The following PTPRT variants were observed in gnomAD, a reference collection of about 807,000 sequenced individuals.
The protein encoded by PTPRT is receptor-type tyrosine-protein phosphatase T.
A neutral mutation model predicts 176.8 loss-of-function variants in PTPRT; 56 were observed. The observed-to-expected ratio is 0.32, with a 90% CI of 0.26 to 0.40. The LOEUF (loss-of-function observed/expected upper bound fraction) is 0.40, where lower values mean the gene tolerates loss of function less well. Ranked by LOEUF, PTPRT falls within the 10% of genes least tolerant of loss-of-function variation. The pLI is 1.00. For missense variants in PTPRT, 1,540 were observed against 1,908.2 expected (o/e 0.81, Z 3.60); for synonymous variants, 783 against 739.0 (o/e 1.06, Z -0.96).
intron 4 of PTPRT, among the ~76,000 whole-genome samples, chr20:42,775,359 G>A (rs986122332): frequency 1.3e-5 from 2 of 152,210 alleles, no homozygotes; most frequent in African/African-American, 4.8e-5. Context: ...TGTTGCAGAT[G>A]CTCTGTGGGC....
Position 42,161,231 on chromosome 20 carries a change from A to ACACGCTCC in PTPRT, c.2682+113_2682+120dup, listed in dbSNP as rs1373726285. The ACACGCTCC allele has an allele frequency of 3.6e-6, 4 of 1,121,624 alleles. No homozygotes were observed. In the African/African-American group the frequency reaches 6.2e-5, roughly 17 times the overall value. 69.5% of individuals were successfully genotyped at this position (1,121,624 alleles called of 1,614,324 possible). A position where few individuals can be genotyped will look rare whatever the true frequency, so the allele number is the denominator to read the frequency against. ...TGGGGCCTGAGATGTTGCATTTCCT[A>ACACGCTCC]CACGCTCCCAGGTGATACTGAGGCT... On this transcript the variant is annotated intron_variant, in intron 17 of 30. Coordinates refer to ENST00000373187, the MANE Select transcript of PTPRT (RefSeq NM_007050.6).
In PTPRT at chr20:42,161,511, G is replaced by A; in HGVS notation, c.2523C>T (p.Pro841=). The A allele has an allele frequency of 6.2e-7, 1 of 1,612,548 alleles. No individual in the cohort carries two copies. The highest frequency in any genetic ancestry group is 8.5e-7 in the Non-Finnish European group (1 of 1,179,122). ...AGGGATGAGTCTGGATCGTGAGGGT[G>A]GGCTGGGAAAGCTCCCCGCGGCTGC... ...TDGSRGELSQ[P]TLTIQTHPYR... Residue 841 remains proline (P), a synonymous_variant, in exon 17 of 31, where the codon CCC becomes CCT. Coordinates refer to ENST00000373187, the MANE Select transcript of PTPRT (RefSeq NM_007050.6).
chr20:42,235,315 C>A (rs561598745), intron 15 of PTPRT, among the ~76,000 whole-genome samples: 1 of 151,730 alleles, frequency 6.6e-6, no homozygotes, highest in African/African-American at 2.4e-5. Flanking sequence ...CAGGCTGGAG[C>A]GCAATGGTAC....
At chr20:42,375,735 A>G (rs928927799) in intron 9 of PTPRT, among the ~76,000 whole-genome samples, 3 of 152,206 alleles carry the variant, frequency 2.0e-5, no homozygotes, top group Non-Finnish European at 4.4e-5. Flanking sequence ...AGATAGGCAG[A>G]TTTTCTTTAT....
At chr20:42,351,681 T>C (rs868008585) in intron 10 of PTPRT, among the ~76,000 whole-genome samples, 18 of 105,886 alleles carry the variant, frequency 1.7e-4, no homozygotes, top group South Asian at 3.2e-4. Context: ...GGCCCTATAA[T>C]AGTAATTCAT....
intron 5 of PTPRT, among the ~76,000 whole-genome samples, chr20:42,769,100 C>G (rs530188961): frequency 1.3e-5 from 2 of 152,170 alleles, no homozygotes; most frequent in Non-Finnish European, 2.9e-5. Flanking sequence ...CTACCGAATA[C>G]TGAGGTGACG....
At chr20:43,033,271 C>G (rs927492441) in intron 1 of PTPRT, among the ~76,000 whole-genome samples, 7 of 152,186 alleles carry the variant, frequency 4.6e-5, no homozygotes, top group African/African-American at 1.4e-4. Flanking sequence ...GGGTCTCTCT[C>G]CTGATGGTCT....
chr20:43,095,887 C>T (rs111220252), intron 1 of PTPRT, among the ~76,000 whole-genome samples: 1 of 582 alleles, frequency 1.7e-3, no homozygotes, highest in African/African-American at 5.5e-3. Context: ...CTCTCTCTCT[C>T]TTCCCCTCTC....
intron 6 of PTPRT, among the ~76,000 whole-genome samples, chr20:42,744,344 G>A (rs1383095846): frequency 1.3e-5 from 2 of 152,106 alleles, no homozygotes; most frequent in Non-Finnish European, 2.9e-5. Flanking sequence ...TCTACATCAA[G>A]AAAGAACATT....
intron 6 of PTPRT, among the ~76,000 whole-genome samples, chr20:42,738,301 C>A (rs983707444): frequency 6.6e-6 from 1 of 152,088 alleles, no homozygotes; most frequent in Non-Finnish European, 1.5e-5. Context: ...CACTTAAGGG[C>A]AGGAGTTTGA....
At chr20:42,590,927 CGT>C (rs11468131) in intron 7 of PTPRT, among the ~76,000 whole-genome samples, 41,271 of 130,660 alleles carry the variant, frequency 0.32, 6,678 homozygotes, top group East Asian at 0.55. Context: ...AGAGATTTAG[CGT>C]GTGTGTGTGT....
chr20:42,465,234 G>A (rs1482970097), intron 8 of PTPRT, among the ~76,000 whole-genome samples: 3 of 151,990 alleles, frequency 2.0e-5, no homozygotes, highest in African/African-American at 7.3e-5. Context: ...CAACTTCTAT[G>A]GAAGAGTACC....
At chr20:42,475,801 C>A (rs1450443316) in intron 7 of PTPRT, among the ~76,000 whole-genome samples, 2 of 152,298 alleles carry the variant, frequency 1.3e-5, no homozygotes, top group Non-Finnish European at 2.9e-5. Flanking sequence ...ATTTCTGCTC[C>A]TCTTAAAGGA....
chr20:42,134,461 G>A (rs1004614244), intron 18 of PTPRT, among the ~76,000 whole-genome samples: 1 of 152,146 alleles, frequency 6.6e-6, no homozygotes, highest in Non-Finnish European at 1.5e-5. Flanking sequence ...ATGGGCAAGA[G>A]CTGGCTGTGG....
intron 1 of PTPRT, among the ~76,000 whole-genome samples, chr20:43,062,519 C>A (rs532978657): frequency 2.6e-5 from 4 of 152,202 alleles, no homozygotes; most frequent in African/African-American, 4.8e-5. Flanking sequence ...TACTTCACTT[C>A]GCTGGGAGAT....
At chr20:42,937,183 C>T (rs1310731154) in intron 1 of PTPRT, among the ~76,000 whole-genome samples, 1 of 152,224 alleles carries the variant, frequency 6.6e-6, no homozygotes, top group Non-Finnish European at 1.5e-5. Flanking sequence ...GGATAGATTA[C>T]TTGAAACCAG....
chr20:42,806,574 G>A (rs1449243431), intron 2 of PTPRT, among the ~76,000 whole-genome samples: 1 of 151,826 alleles, frequency 6.6e-6, no homozygotes, highest in African/African-American at 2.4e-5. Context: ...TAGAAAGGCT[G>A]ACAAACTTTT....
At position 43,107,603 on chromosome 20, in the gene PTPRT, C is replaced by T. The variant is rs1293882068; in HGVS notation, c.88+82043G>A. 3.3e-5 allele frequency among the ~76,000 whole-genome samples: 5 copies of T among 152,226 alleles called. No individual in the cohort carries two copies. The East Asian group carries it at 5.8e-4, about 18-fold the overall frequency. The stretch of plus-strand genomic sequence containing the variant: ...CTCAATAGGCAGATGGAGTCAGCCA[C>T]GTTAACAGGCACTTTGTTCTCAGCT... On this transcript the variant is annotated intron_variant, in intron 1 of 30. Transcript: ENST00000373187.
chr20:42,244,586 T>A (rs2056416169), intron 14 of PTPRT, among the ~76,000 whole-genome samples: 1 of 152,174 alleles, frequency 6.6e-6, no homozygotes, highest in Middle Eastern at 3.2e-3. Flanking sequence ...GCGGATCTTG[T>A]GAAAAGTCCT....
Sources: allele counts gnomAD v4.1 joint callset (sites outside exome capture counted in the v4.1 genomes callset), GRCh38; gene constraint gnomAD v4.1.1; transcripts MANE v1.5; gene names NCBI Gene and HGNC (gene_info 2026-07-23, HGNC 2026-07-21).